The following ARMC2 variants were observed in gnomAD, a reference collection of about 807,000 sequenced individuals.
ARMC2 encodes the protein armadillo repeat containing 2.
A neutral mutation model predicts 90.3 loss-of-function variants in ARMC2; 67 were observed. That is an observed-to-expected ratio of 0.74 (90% CI 0.61 to 0.91). ARMC2 has a LOEUF of 0.91. Ranked by LOEUF, ARMC2 falls within the 40% of genes least tolerant of loss-of-function variation. The pLI is 0.00. For synonymous variants in ARMC2, 393 were observed against 393.0 expected, an observed-to-expected ratio of 1.00 and a Z score of 0.00; for missense variants, 920 against 1,030.9, an observed-to-expected ratio of 0.89 and a Z score of 1.47.
chr6:108,889,762 T>G (rs1259874458), intron 5 of ARMC2, among the ~76,000 whole-genome samples: 1 of 151,852 alleles, frequency 6.6e-6, no homozygotes, highest in Non-Finnish European at 1.5e-5. Flanking sequence ...TTTATTCTTT[T>G]AAGGCCCATT....
chr6:108,877,809 A>G (rs1321643292), intron 5 of ARMC2, among the ~76,000 whole-genome samples: 1 of 152,264 alleles, frequency 6.6e-6, no homozygotes, highest in South Asian at 2.1e-4. Flanking sequence ...ATTCTGGGAC[A>G]GCAGGGGCAT....
the ARMC2 span, among the ~76,000 whole-genome samples, chr6:108,981,242 C>T: frequency 1.3e-5 from 2 of 152,026 alleles, no homozygotes; most frequent in Admixed American, 1.3e-4. Context: ...TCCCATTATA[C>T]CTATTCTCTT....
At chr6:108,893,654 C>T (rs1771317818) in intron 5 of ARMC2, among the ~76,000 whole-genome samples, 1 of 152,182 alleles carries the variant, frequency 6.6e-6, no homozygotes, top group African/African-American at 2.4e-5. Context: ...AACTGTATTT[C>T]ATGTTGTTAG....
chr6:108,876,415 AT>A, intron 5 of ARMC2, 65 bp downstream of exon 5: 1 of 1,478,876 alleles, frequency 6.8e-7, no homozygotes, highest in Non-Finnish European at 9.2e-7. Context: ...TTTCTTCTCT[AT>A]TTTATATAGA....
intron 10 of ARMC2, among the ~76,000 whole-genome samples, chr6:108,925,226 T>G (rs1472980485): frequency 6.6e-6 from 1 of 152,212 alleles, no homozygotes; most frequent in Non-Finnish European, 1.5e-5. Flanking sequence ...CATCCATTAT[T>G]TTTTACTCCT....
intron 6 of ARMC2, among the ~76,000 whole-genome samples, chr6:108,896,195 G>A (rs576846903): frequency 6.6e-6 from 1 of 152,178 alleles, no homozygotes; most frequent in East Asian, 1.9e-4. Context: ...CAAACATTGT[G>A]TCAGGTTTTT....
At chr6:109,003,852 A>C in the ARMC2 span, among the ~76,000 whole-genome samples, 1 of 152,208 alleles carries the variant, frequency 6.6e-6, no homozygotes, top group African/African-American at 2.4e-5. Context: ...CATACATTTG[A>C]AACAATACCT....
chr6:108,956,017 G>A (rs1777556166), intron 13 of ARMC2, among the ~76,000 whole-genome samples: 1 of 152,200 alleles, frequency 6.6e-6, no homozygotes, highest in African/African-American at 2.4e-5. Context: ...CCCCAGGTGA[G>A]CCTTTTGCCC....
intron 11 of ARMC2, among the ~76,000 whole-genome samples, chr6:108,930,175 A>G (rs891011222): frequency 1.1e-4 from 16 of 151,162 alleles, no homozygotes; most frequent in African/African-American, 3.9e-4. Context: ...TCCCTTCCTT[A>G]TGAACTTATT....
intron 1 of ARMC2, among the ~76,000 whole-genome samples, chr6:108,853,508 T>C (rs1402412832): frequency 6.6e-6 from 1 of 152,144 alleles, no homozygotes; most frequent in Non-Finnish European, 1.5e-5. Context: ...CACCTAATGC[T>C]ATATACTCAT....
At chr6:108,974,580 G>A (rs577263103), downstream of ARMC2, 12 of 152,292 alleles carry the variant, frequency 7.9e-5, no homozygotes, top group South Asian at 2.5e-3. Context: ...TTAGAAGGCG[G>A]AGTGGGGAGG....
intron 17 of ARMC2, among the ~76,000 whole-genome samples, chr6:108,972,630 A>G (rs1208976813): frequency 6.6e-6 from 1 of 152,194 alleles, no homozygotes; most frequent in Non-Finnish European, 1.5e-5. Flanking sequence ...ATAAAAAACT[A>G]AGGAATTAGT....
Position 108,933,512 on chromosome 6 carries a change from G to A in ARMC2, c.1497-3388G>A, listed in dbSNP as rs528871093. Among the ~76,000 whole-genome samples, 3 of 152,176 alleles carry A rather than the reference G, an allele frequency of 2.0e-5. No homozygotes were observed. In the South Asian group the frequency reaches 6.2e-4, roughly 32 times the overall value. On this transcript the variant is annotated intron_variant, in intron 11 of 17. Transcript: ENST00000392644. ...GATGTAGAATCATCTGTGAGTGTTG[G>A]GCCTGTTGTCTTTCTTCTGACTCTA...
chr6:108,915,132 T>C (rs1773821992), intron 10 of ARMC2, among the ~76,000 whole-genome samples: 2 of 152,082 alleles, frequency 1.3e-5, no homozygotes, highest in South Asian at 2.1e-4. Context: ...TTTTTTGTAT[T>C]TTTAGTAGAG....
chr6:108,925,341 T>G (rs1300069166), intron 10 of ARMC2, among the ~76,000 whole-genome samples: 1 of 152,220 alleles, frequency 6.6e-6, no homozygotes, highest in Middle Eastern at 3.2e-3. Flanking sequence ...GTCCACCCCT[T>G]CATTCATTCC....
chr6:109,017,230 C>T, the ARMC2 span, among the ~76,000 whole-genome samples: 15,226 of 152,104 alleles, frequency 0.1, 927 homozygotes, highest in Middle Eastern at 0.19. Context: ...AAACTTGATA[C>T]TATGTAACCA....
At chr6:108,998,474 G>T in the ARMC2 span, 1 of 1,608,034 alleles carries the variant, frequency 6.2e-7, no homozygotes. Flanking sequence ...CAATTATTGT[G>T]ATTAGTTTTA....
chr6:108,851,919 AG>A (rs539633099), intron 1 of ARMC2, among the ~76,000 whole-genome samples: 57 of 152,330 alleles, frequency 3.7e-4, no homozygotes, highest in African/African-American at 9.1e-4. Flanking sequence ...CTTGCTTGAG[AG>A]TGAAGACGGT....
intron 5 of ARMC2, among the ~76,000 whole-genome samples, chr6:108,882,363 C>T (rs1290252830): frequency 1.5e-4 from 23 of 151,012 alleles, no homozygotes; most frequent in African/African-American, 4.6e-4. Flanking sequence ...GGCGTGAACC[C>T]GGGAGGCAGA....
Sources: allele counts gnomAD v4.1 joint callset (sites outside exome capture counted in the v4.1 genomes callset), GRCh38; gene constraint gnomAD v4.1.1; transcripts MANE v1.5; gene names NCBI Gene and HGNC (gene_info 2026-07-23, HGNC 2026-07-21).